CFAP58: variants seen among roughly 807,000 people sequenced by gnomAD.
CFAP58 encodes cilia- and flagella-associated protein 58.
A neutral mutation model predicts 119.5 loss-of-function variants in CFAP58; 88 were observed. The observed-to-expected ratio is 0.74, with a 90% confidence interval of 0.62 to 0.88. CFAP58 has a LOEUF of 0.88. Ranked by LOEUF, CFAP58 falls within the 40% of genes least tolerant of loss-of-function variation. The probability of loss-of-function intolerance (pLI) is 0.00; values close to 1 mark genes in which losing one functional copy is unlikely to be tolerated. For synonymous variants in CFAP58, 365 were observed against 366.3 expected (o/e 1.00, Z 0.04); for missense variants, 990 against 1,021.2 (o/e 0.97, Z 0.42).
chr10:104,392,325 G>A lies in CFAP58; in HGVS notation c.1458G>A (p.Gln486=), dbSNP rs2012063139. 6.2e-7 allele frequency: 1 copy of A among 1,612,578 alleles called. No individual in the cohort carries two copies. The part of the protein sequence containing the change: ...KIAESEIKLK[Q]QQNLYEAVRS... Reference sequence around the variant, plus strand: ...CTGAATCAGAGATTAAATTAAAACAGCAACAGAACCTATATGAAGCTGTGA... The same window carrying A: ...CTGAATCAGAGATTAAATTAAAACAACAACAGAACCTATATGAAGCTGTGA... Residue 486 remains glutamine, a synonymous_variant, in exon 10 of 18, where the codon CAG becomes CAA. Coordinates refer to ENST00000369704, the MANE Select transcript of CFAP58 (RefSeq NM_001008723.2).
At chr10:104,450,361 C>A (rs1284437907) in intron 17 of CFAP58, among the ~76,000 whole-genome samples, 157 bp downstream of exon 17, 1 of 152,164 alleles carries the variant, frequency 6.6e-6, no homozygotes, top group Non-Finnish European at 1.5e-5. Context: ...TGTATCAGAG[C>A]AAGATCAGTG....
chr10:104,376,232 A>C (rs1276000273), intron 7 of CFAP58, among the ~76,000 whole-genome samples: 1 of 152,118 alleles, frequency 6.6e-6, no homozygotes, highest in Non-Finnish European at 1.5e-5. Context: ...AAAACCCATC[A>C]GATGAGAATT....
intron 2 of CFAP58, 85 bp from the exon 3 acceptor site, chr10:104,361,938 G>T: frequency 3.1e-6 from 4 of 1,300,236 alleles, no homozygotes; most frequent in South Asian, 1.4e-5. Flanking sequence ...CTACACTGTG[G>T]TCATGGTATT....
chr10:104,368,405 T>C lies in CFAP58; in HGVS notation c.793-18T>C. 6.2e-7 allele frequency: 1 copy of C among 1,612,978 alleles called. No individual in the cohort carries two copies. Among genetic ancestry groups the C allele is most frequent in the Non-Finnish European group, 8.5e-7 (1 of 1,179,574 alleles). On this transcript the variant is annotated intron_variant, in intron 5 of 17. Transcript: ENST00000369704. Reference sequence around the variant, plus strand: ...ATCAGATTAAAAAGCATTAACCAGCTCATTCCATCCCTTTCAGATATTGAA... The same window carrying C: ...ATCAGATTAAAAAGCATTAACCAGCCCATTCCATCCCTTTCAGATATTGAA...
intron 5 of CFAP58, 25 bp from the exon 6 acceptor site, chr10:104,368,397 TA>T (rs2014779536): frequency 6.2e-7 from 1 of 1,611,768 alleles, no homozygotes; most frequent in African/African-American, 1.3e-5. Flanking sequence ...TAAAAAGCAT[TA>T]ACCAGCTCAT....
rs763003811 is a variant in CFAP58 at position 104,399,495 on chromosome 10, G to A, written c.1810G>A (p.Asp604Asn). Residue 604 changes from aspartate to asparagine, a missense_variant, in exon 12 of 18, where the codon GAC becomes AAC. Coordinates refer to ENST00000369704, the MANE Select transcript of CFAP58 (RefSeq NM_001008723.2). ...GERLRQKKELDQVISERDILG... is the reference protein window; with the variant it reads ...GERLRQKKELNQVISERDILG... ...GAGGTTGAGACAGAAGAAGGAATTA[G>A]ACCAGGTAGAGCATCTCCTTGTCAG... 6.2e-7 allele frequency: 1 copy of A among 1,613,412 alleles called. No individual in the cohort carries two copies. Among genetic ancestry groups the A allele is most frequent in the South Asian group, 1.1e-5 (1 of 91,010 alleles).
chr10:104,384,620 C>T (rs1276585063), intron 9 of CFAP58, among the ~76,000 whole-genome samples: 14 of 152,172 alleles, frequency 9.2e-5, no homozygotes, highest in Non-Finnish European at 1.5e-5. Context: ...AAGTAAGAAA[C>T]AACTGACTAT....
chr10:104,417,507 G>A (rs1267017980), intron 15 of CFAP58, among the ~76,000 whole-genome samples: 1 of 152,164 alleles, frequency 6.6e-6, no homozygotes, highest in African/African-American at 2.4e-5. Context: ...GAATTTGAGG[G>A]ATGTTTTAGC....
At chr10:104,450,238 G>A in intron 17 of CFAP58, 34 bp downstream of exon 17, 1 of 1,606,240 alleles carries the variant, frequency 6.2e-7, no homozygotes. Context: ...ATTTTGTTGT[G>A]CCTATTATCT....
In CFAP58 at chr10:104,354,514, CT is replaced by C. The variant is rs2014514592; in HGVS notation, c.9+609del. On this transcript the variant is annotated intron_variant, in intron 1 of 17. Transcript: ENST00000369704. ...CAGCCTCTCCAATGAGGGGTTATTT[CT>C]GCAACCCTTCAGTGACTCCCTGCCT... is the stretch of plus-strand genomic sequence containing the variant. Among the ~76,000 whole-genome samples, 8 of 152,222 alleles carry C rather than the reference CT, an allele frequency of 5.3e-5. No individual in the cohort carries two copies. The South Asian group carries it at 1.7e-3, about 32-fold the overall frequency.
At position 104,362,079 on chromosome 10, in the gene CFAP58, C is replaced by A; in HGVS notation, c.348C>A (p.Ala116=). The A allele has an allele frequency of 6.2e-7, 1 of 1,614,044 alleles. No individual in the cohort carries two copies. The change falls in exon 3 of 18, where the codon GCC becomes GCA. Residue 116 remains alanine, a synonymous_variant. Transcript: ENST00000369704. The part of the protein sequence containing the change: ...VDSAYDKEQK[A]KETILALKEE... ...CAGCCTATGACAAAGAGCAGAAGGC[C>A]AAGGAGACGATTCTTGCTCTGAAAG... is the stretch of plus-strand genomic sequence containing the variant.
the CFAP58 span, among the ~76,000 whole-genome samples, chr10:104,343,994 C>T: frequency 6.6e-6 from 1 of 152,210 alleles, no homozygotes; most frequent in Non-Finnish European, 1.5e-5. Context: ...CCTCCTTCCT[C>T]GGCCTCCCAA....
chr10:104,402,595 G>A (rs144966841), intron 13 of CFAP58, among the ~76,000 whole-genome samples: 88 of 152,300 alleles, frequency 5.8e-4, no homozygotes, highest in African/African-American at 1.9e-3. Context: ...CAGCCAGCTC[G>A]CAACACTGAG....
Position 104,435,180 on chromosome 10 carries a change from T to C in CFAP58, c.2257-12518T>C, listed in dbSNP as rs116985839. Among the ~76,000 whole-genome samples, 1,214 of 152,278 alleles carry C rather than the reference T, an allele frequency of 8.0e-3. 8 individuals are homozygous for C. The highest frequency in any genetic ancestry group is 1.0e-2 in the Non-Finnish European group (678 of 68,008). On this transcript the variant is annotated intron_variant, in intron 15 of 17. Transcript: ENST00000369704. ...GAATGAATGGTCAAATAAATTCATG[T>C]TTAAATAGATAAGTAAACAGGCCGG...
intron 15 of CFAP58, among the ~76,000 whole-genome samples, chr10:104,422,557 T>C (rs903672524): frequency 1.3e-5 from 2 of 152,222 alleles, no homozygotes; most frequent in Non-Finnish European, 2.9e-5. Flanking sequence ...ACATGTGCTT[T>C]TTCAACCAGC....
In CFAP58 at chr10:104,366,009, G is replaced by C. The variant is rs1433104171; in HGVS notation, c.792+1G>C. Reference sequence around the variant, plus strand: ...GGAGCAGCAGCTGAAGGAGCAGAAGGTGAGTTGGGTGTGGGTCTTCGCAAA... The same window carrying C: ...GGAGCAGCAGCTGAAGGAGCAGAAGCTGAGTTGGGTGTGGGTCTTCGCAAA... On this transcript the variant is annotated splice_donor_variant, in intron 5 of 17. Transcript: ENST00000369704. LOFTEE classifies it high-confidence loss of function. 2 of 1,593,034 alleles carry C rather than the reference G, an allele frequency of 1.3e-6. No homozygotes were observed. Among genetic ancestry groups the C allele is most frequent in the Non-Finnish European group, 1.7e-6 (2 of 1,171,510 alleles).
intron 11 of CFAP58, among the ~76,000 whole-genome samples, chr10:104,393,746 C>T (rs1292113564): frequency 2.0e-5 from 3 of 152,300 alleles, no homozygotes; most frequent in African/African-American, 4.8e-5. Flanking sequence ...TGCAGGCTAT[C>T]ATACATCAGT....
rs759103172 is a variant in CFAP58 at position 104,393,385 on chromosome 10, G to A, written c.1584G>A (p.Glu528=). The change falls in exon 11 of 18, where the codon GAG becomes GAA. Residue 528 remains glutamate, a synonymous_variant. Transcript: ENST00000369704. ...AGATTATGATCCATCAGGTAGATGA[G>A]CTGAAAGAAGACATCTCTGCCAAAG... is the stretch of plus-strand genomic sequence containing the variant. ...KLKIMIHQVD[E]LKEDISAKES... is the part of the protein sequence containing the mutation. 3 of 1,613,888 alleles carry A rather than the reference G, an allele frequency of 1.9e-6. No individual in the cohort carries two copies. The highest frequency in any genetic ancestry group is 1.7e-5 in the Admixed American group (1 of 60,008).
chr10:104,446,937 T>C (rs541298605), intron 15 of CFAP58, among the ~76,000 whole-genome samples: 2 of 152,226 alleles, frequency 1.3e-5, no homozygotes, highest in Non-Finnish European at 2.9e-5. Context: ...CAAATATGCA[T>C]ACCCAAGTTT....
Sources: gnomAD v4.1 joint callset for allele counts (sites outside exome capture counted in the v4.1 genomes callset) on GRCh38, gnomAD v4.1.1 for gene constraint, MANE v1.5 for transcripts, NCBI Gene and HGNC (gene_info 2026-07-23, HGNC 2026-07-21) for gene names.